Variants in PLCL1 observed in about 807,000 individuals in gnomAD.
PLCL1 encodes inactive phospholipase C-like protein 1.
PLCL1 carries 41 observed loss-of-function variants against 84.4 expected under a neutral mutation model. The observed-to-expected ratio is 0.49, with a 90% confidence interval of 0.38 to 0.63. The LOEUF (loss-of-function observed/expected upper bound fraction) is 0.63. Ranked by LOEUF, PLCL1 falls within the 30% of genes least tolerant of loss-of-function variation. PLCL1 has a pLI of 0.00. For synonymous variants in PLCL1, 490 were observed against 488.3 expected, an observed-to-expected ratio of 1.00 and a Z score of -0.05; for missense variants, 1,206 against 1,367.8, an observed-to-expected ratio of 0.88 and a Z score of 1.87.
intron 1 of PLCL1, among the ~76,000 whole-genome samples, chr2:198,048,502 G>A (rs1691857083): frequency 6.6e-6 from 1 of 152,202 alleles, no homozygotes; most frequent in African/African-American, 2.4e-5. Flanking sequence ...AAAGAAGCAT[G>A]GCACCAGCAT....
rs1692783829 is a variant in PLCL1, at chr2:198,083,909, A to G, written c.392A>G (p.Tyr131Cys). ...LKKVRPNSRI[Y>C]NRFFTLDTDL... The stretch of plus-strand genomic sequence containing the variant: ...AAAGTCCGGCCAAATTCTCGCATTT[A>G]CAACCGTTTTTTCACTCTGGACACA... The change falls in exon 2 of 6, where the codon TAC (tyrosine) becomes TGC (cysteine). Residue 131 changes from tyrosine (Y) to cysteine (C), a missense_variant. By Grantham distance (194) the Tyr-to-Cys change is radical. Coordinates refer to ENST00000428675, the MANE Select transcript of PLCL1 (RefSeq NM_006226.4). 6.2e-7 allele frequency: 1 copy of G among 1,614,060 alleles called. No individual in the cohort carries two copies. Among genetic ancestry groups the G allele is most frequent in the African/African-American group, 1.3e-5 (1 of 74,938 alleles).
chr2:198,005,131 T>G (rs763180949), intron 1 of PLCL1, among the ~76,000 whole-genome samples: 1 of 152,242 alleles, frequency 6.6e-6, no homozygotes, highest in Non-Finnish European at 1.5e-5. Context: ...CCTTCCACCC[T>G]CGCTCCCTCA....
At chr2:198,052,569 TGGAAG>T in intron 1 of PLCL1, among the ~76,000 whole-genome samples, 1 of 152,154 alleles carries the variant, frequency 6.6e-6, no homozygotes, top group Admixed American at 6.5e-5. Context: ...ACATAAATTT[TGGAAG>T]CATTATTTCA....
intron 3 of PLCL1, among the ~76,000 whole-genome samples, chr2:198,092,405 T>G (rs1693066856): frequency 6.6e-6 from 1 of 152,228 alleles, no homozygotes; most frequent in Non-Finnish European, 1.5e-5. Flanking sequence ...TTTCCGTACA[T>G]TTATACAATA....
At chr2:197,949,173 C>T (rs1028501180) in intron 1 of PLCL1, among the ~76,000 whole-genome samples, 2 of 152,128 alleles carry the variant, frequency 1.3e-5, no homozygotes, top group African/African-American at 4.8e-5. Flanking sequence ...GAACATCTGT[C>T]TATGAGTGCC....
chr2:197,962,366 G>A (rs1040117651), intron 1 of PLCL1, among the ~76,000 whole-genome samples: 13 of 152,134 alleles, frequency 8.5e-5, no homozygotes, highest in East Asian at 1.9e-4. Context: ...AAAATTTATC[G>A]TTAGTTTTTC....
intron 1 of PLCL1, among the ~76,000 whole-genome samples, chr2:198,076,828 A>G (rs1022140083): frequency 6.6e-6 from 1 of 152,212 alleles, no homozygotes; most frequent in Admixed American, 6.5e-5. Context: ...ACTTGAAGGC[A>G]ACAGATACAG....
intron 1 of PLCL1, among the ~76,000 whole-genome samples, chr2:197,872,378 C>T (rs955777284): frequency 2.0e-5 from 3 of 152,082 alleles, no homozygotes; most frequent in Non-Finnish European, 4.4e-5. Context: ...TGCCTGTGTC[C>T]TCCCTCTTTC....
chr2:197,839,861 T>C (rs1470073214), intron 1 of PLCL1, among the ~76,000 whole-genome samples: 1 of 152,212 alleles, frequency 6.6e-6, no homozygotes, highest in Non-Finnish European at 1.5e-5. Context: ...ACTGCATTAG[T>C]ATGTTCTAAA....
At chr2:197,901,245 T>A (rs1297155808) in intron 1 of PLCL1, among the ~76,000 whole-genome samples, 1 of 152,188 alleles carries the variant, frequency 6.6e-6, no homozygotes, top group African/African-American at 2.4e-5. Flanking sequence ...ACAGGTTGAG[T>A]GCTTATTTTG....
At chr2:197,937,359 T>A (rs1397763105) in intron 1 of PLCL1, among the ~76,000 whole-genome samples, 1 of 152,232 alleles carries the variant, frequency 6.6e-6, no homozygotes, top group African/African-American at 2.4e-5. Context: ...TGTACACCAT[T>A]TGCATAGGAT....
chr2:198,044,921 G>A (rs184185286), intron 1 of PLCL1, among the ~76,000 whole-genome samples: 2 of 152,248 alleles, frequency 1.3e-5, no homozygotes, highest in East Asian at 3.9e-4. Context: ...GGTGTTAGAA[G>A]TAGGTAGCAT....
chr2:198,071,098 G>GCACACACACACA (rs56759346), intron 1 of PLCL1: 1 of 147,770 alleles, frequency 6.8e-6, no homozygotes, highest in African/African-American at 2.5e-5. Flanking sequence ...TTTTAAGTAT[G>GCACACACACACA]CACACACACA....
intron 1 of PLCL1, among the ~76,000 whole-genome samples, chr2:198,018,027 G>A (rs1691040934): frequency 6.6e-6 from 1 of 152,132 alleles, no homozygotes; most frequent in Admixed American, 6.5e-5. Flanking sequence ...TCCAACTGAA[G>A]CACCCGGTTC....
At chr2:197,884,070 C>G (rs763780882) in intron 1 of PLCL1, among the ~76,000 whole-genome samples, 12 of 152,164 alleles carry the variant, frequency 7.9e-5, no homozygotes, top group Non-Finnish European at 1.8e-4. Context: ...TTCTACCTAA[C>G]TGGGATATTT....
chr2:198,149,633 T>C lies in PLCL1; in HGVS notation c.*2671T>C, dbSNP rs2105954202. ...GAATATAAAATATTAATGGTCAATATAAAAATACAAAAATAGAGAACTATA... is the reference window on the plus strand; with the variant it reads ...GAATATAAAATATTAATGGTCAATACAAAAATACAAAAATAGAGAACTATA... On this transcript the variant is annotated 3_prime_UTR_variant, in exon 6 of 6. Coordinates refer to ENST00000428675, the MANE Select transcript of PLCL1 (RefSeq NM_006226.4). The C allele has an allele frequency of 6.6e-6, 1 of 152,240 alleles. No homozygotes were observed. The highest frequency in any genetic ancestry group is 6.5e-5 in the Admixed American group (1 of 15,276). The allele number at this position is 152,240 out of a possible 1,614,324, so 9.4% of individuals were successfully genotyped here. A position where few individuals can be genotyped will look rare whatever the true frequency, so the allele number is the denominator to read the frequency against.
intron 1 of PLCL1, among the ~76,000 whole-genome samples, chr2:197,857,665 G>A (rs1406910682): frequency 6.6e-6 from 1 of 152,106 alleles, no homozygotes; most frequent in Non-Finnish European, 1.5e-5. Context: ...GCAGTGATGG[G>A]TCTAGCTGAA....
At chr2:197,833,815 G>A (rs185231071) in intron 1 of PLCL1, among the ~76,000 whole-genome samples, 3 of 152,138 alleles carry the variant, frequency 2.0e-5, no homozygotes, top group African/African-American at 4.8e-5. Context: ...GAAAAAACTG[G>A]TTCAAATTTC....
intron 1 of PLCL1, among the ~76,000 whole-genome samples, chr2:197,960,261 T>G (rs1199691249): frequency 6.6e-6 from 1 of 152,068 alleles, no homozygotes; most frequent in African/African-American, 2.4e-5. Context: ...GGAGGAACAT[T>G]GATGTAAGAA....
Sources: gnomAD v4.1 joint callset for allele counts (sites outside exome capture counted in the v4.1 genomes callset) on GRCh38, gnomAD v4.1.1 for gene constraint, MANE v1.5 for transcripts, NCBI Gene and HGNC (gene_info 2026-07-23, HGNC 2026-07-21) for gene names.